The following ANKIB1 variants were observed in gnomAD, a reference collection of about 807,000 sequenced individuals.
ANKIB1 encodes ankyrin repeat and IBR domain-containing protein 1.
ANKIB1 carries 43 observed loss-of-function variants against 122.1 expected under a neutral mutation model. That is an observed-to-expected ratio of 0.35 (90% CI 0.28 to 0.45). The LOEUF is 0.45. ANKIB1 is among the 20% of genes least tolerant of loss of function. The pLI is 1.00. For missense variants in ANKIB1, 992 were observed against 1,329.5 expected (o/e 0.75, Z 3.95); for synonymous variants, 390 against 442.0 (o/e 0.88, Z 1.48).
At chr7:92,324,062 C>G (rs1802971435) in intron 4 of ANKIB1, among the ~76,000 whole-genome samples, 1 of 152,080 alleles carries the variant, frequency 6.6e-6, no homozygotes, top group Admixed American at 6.6e-5. Context: ...GAACTAGGGG[C>G]AGGGAAGAGA....
chr7:92,388,246 C>G (rs981631546), intron 14 of ANKIB1, among the ~76,000 whole-genome samples: 1 of 152,212 alleles, frequency 6.6e-6, no homozygotes, highest in African/African-American at 2.4e-5. Flanking sequence ...GCCTCCTCCT[C>G]TTGATGCAGC....
chr7:92,320,864 A>T (rs1253518468), intron 4 of ANKIB1, among the ~76,000 whole-genome samples: 1 of 152,098 alleles, frequency 6.6e-6, no homozygotes, highest in Non-Finnish European at 1.5e-5. Context: ...CTTAGAATAA[A>T]ATCCAAACTG....
In ANKIB1 at chr7:92,250,426, A is replaced by G. The variant is rs374077328; in HGVS notation, c.-91+3907A>G. On this transcript the variant is annotated intron_variant, in intron 1 of 19. Transcript: ENST00000265742. ...ATAAATCAATAAAGCAGATAATTAT[A>G]TACTATCAAAAATAATTTTCAGTCA... is the stretch of plus-strand genomic sequence containing the variant. Among the ~76,000 whole-genome samples, 6 of 152,232 alleles carry G rather than the reference A, an allele frequency of 3.9e-5. No homozygotes were observed. In the East Asian group the frequency reaches 7.7e-4, roughly 20 times the overall value.
intron 7 of ANKIB1, among the ~76,000 whole-genome samples, chr7:92,346,214 T>G (rs567785844): frequency 1.3e-5 from 2 of 152,042 alleles, no homozygotes; most frequent in Admixed American, 1.3e-4. Flanking sequence ...TGCAACGTCT[T>G]CCTTCCCGGG....
At chr7:92,342,724 A>G (rs1803463749) in intron 5 of ANKIB1, among the ~76,000 whole-genome samples, 1 of 152,234 alleles carries the variant, frequency 6.6e-6, no homozygotes, top group African/African-American at 2.4e-5. Flanking sequence ...AATGTAGTGA[A>G]TTCCAAGAGT....
rs181658161 is a variant in ANKIB1, at chr7:92,301,701, T to C, written c.189-5658T>C. 7.4e-3 allele frequency among the ~76,000 whole-genome samples: 1,123 copies of C among 152,340 alleles called. 8 individuals are homozygous for C. Among genetic ancestry groups the C allele is most frequent in the Non-Finnish European group, 0.011 (742 of 68,030 alleles). On this transcript the variant is annotated intron_variant, in intron 2 of 19. Transcript: ENST00000265742. Reference sequence around the variant, plus strand: ...TGATTTTGGAATAAGAAATTAACTTTCTTATACTTTTACATCATGTCTAAT... The same window carrying C: ...TGATTTTGGAATAAGAAATTAACTTCCTTATACTTTTACATCATGTCTAAT...
intron 5 of ANKIB1, among the ~76,000 whole-genome samples, chr7:92,335,757 A>G (rs188417511): frequency 1.7e-4 from 26 of 152,002 alleles, no homozygotes; most frequent in Admixed American, 1.6e-3. Flanking sequence ...GTCCATTTAC[A>G]TTTAATGTAA....
At chr7:92,312,732 A>G (rs1214243489) in intron 3 of ANKIB1, among the ~76,000 whole-genome samples, 1 of 152,224 alleles carries the variant, frequency 6.6e-6, no homozygotes, top group African/African-American at 2.4e-5. Flanking sequence ...GTAAAATAAC[A>G]TTATCAATAT....
chr7:92,368,601 G>A (rs560423138), intron 10 of ANKIB1, among the ~76,000 whole-genome samples: 38 of 151,990 alleles, frequency 2.5e-4, no homozygotes, highest in Non-Finnish European at 3.7e-4. Context: ...GGCACCTGTA[G>A]TCCCAACTAC....
chr7:92,264,345 G>A (rs1277443115), intron 1 of ANKIB1, among the ~76,000 whole-genome samples: 1 of 151,944 alleles, frequency 6.6e-6, no homozygotes, highest in Non-Finnish European at 1.5e-5. Flanking sequence ...TAACAATTCA[G>A]AGAAGAAGGA....
rs1423606990 is a variant in ANKIB1, at chr7:92,338,927, AAAAAAAATATATATATATATAT to A, written c.788-4095_788-4074del. Among the ~76,000 whole-genome samples, 6 of 47,602 alleles carry A rather than the reference AAAAAAAATATATATATATATAT, an allele frequency of 1.3e-4. 1 individual carries two copies. Among genetic ancestry groups the A allele is most frequent in the South Asian group, 1.7e-3 (2 of 1,174 alleles). The allele number at this position is 47,602 out of a possible 152,430, so 31.2% of individuals were successfully genotyped here. A position where few individuals can be genotyped will look rare whatever the true frequency, so the allele number is the denominator to read the frequency against. On this transcript the variant is annotated intron_variant, in intron 5 of 19. Transcript: ENST00000265742. ...ACTCCATCTCAAAAAAAAAAAAAAA[AAAAAAAATATATATATATATAT>A]ATATATATATATATATATATATTTA...
intron 4 of ANKIB1, among the ~76,000 whole-genome samples, chr7:92,327,310 C>CT (rs1803049247): frequency 6.6e-6 from 1 of 152,126 alleles, no homozygotes; most frequent in South Asian, 2.1e-4. Context: ...TTAAAAAAGC[C>CT]TTTTGAACTT....
intron 1 of ANKIB1, among the ~76,000 whole-genome samples, chr7:92,265,074 G>C (rs560756438): frequency 1.3e-5 from 2 of 152,316 alleles, no homozygotes; most frequent in East Asian, 3.9e-4. Context: ...ATCCTGGGCT[G>C]AATCTATCTT....
At chr7:92,312,429 T>A (rs929345976) in intron 3 of ANKIB1, among the ~76,000 whole-genome samples, 3 of 152,178 alleles carry the variant, frequency 2.0e-5, no homozygotes, top group Non-Finnish European at 4.4e-5. Flanking sequence ...TCAGCAAACT[T>A]TTCTGTGAAA....
At chr7:92,395,321 C>T (rs1804863794) in intron 17 of ANKIB1, among the ~76,000 whole-genome samples, 1 of 152,142 alleles carries the variant, frequency 6.6e-6, no homozygotes, top group Non-Finnish European at 1.5e-5. Context: ...TTGTAAATAG[C>T]ACCACATATT....
chr7:92,302,312 G>T (rs1802473739), intron 2 of ANKIB1, among the ~76,000 whole-genome samples: 1 of 152,154 alleles, frequency 6.6e-6, no homozygotes, highest in South Asian at 2.1e-4. Flanking sequence ...ATAAAGTAAA[G>T]CACCTGTTTG....
intron 5 of ANKIB1, among the ~76,000 whole-genome samples, chr7:92,337,844 C>CT (rs577739943): frequency 3.2e-4 from 48 of 152,010 alleles, no homozygotes; most frequent in African/African-American, 1.0e-3. Context: ...TTATTGAAAT[C>CT]TAAGTTGGAG....
chr7:92,256,050 T>C (rs1273593230), intron 1 of ANKIB1, among the ~76,000 whole-genome samples: 4 of 152,216 alleles, frequency 2.6e-5, no homozygotes, highest in African/African-American at 7.2e-5. Context: ...GGAAGGACTT[T>C]GAAGTTAGTT....
intron 10 of ANKIB1, among the ~76,000 whole-genome samples, chr7:92,367,058 A>G (rs1804102759): frequency 6.6e-6 from 1 of 152,212 alleles, no homozygotes; most frequent in Non-Finnish European, 1.5e-5. Flanking sequence ...AGAGGAGGAA[A>G]GAAATAGAAA....
Sources: gnomAD v4.1 joint callset for allele counts (sites outside exome capture counted in the v4.1 genomes callset) on GRCh38, gnomAD v4.1.1 for gene constraint, MANE v1.5 for transcripts, NCBI Gene and HGNC (gene_info 2026-07-23, HGNC 2026-07-21) for gene names.